HMCN2: variants seen among roughly 807,000 people sequenced by gnomAD.
HMCN2 encodes hemicentin-2.
A neutral mutation model predicts 377.5 loss-of-function variants in HMCN2; 325 were observed. The ratio of observed to expected loss-of-function variants is 0.86; its 90% CI spans 0.79 to 0.94. The LOEUF is 0.94. Among genes scored for constraint, HMCN2 ranks in the 40% least tolerant of loss-of-function variants. HMCN2 has a pLI of 0.00. For synonymous variants in HMCN2, 2,007 were observed against 2,046.8 expected (o/e 0.98, Z 0.53); for missense variants, 4,543 against 4,725.3 (o/e 0.96, Z 1.13).
intron 22 of HMCN2, among the ~76,000 whole-genome samples, chr9:130,334,801 TCTCTCTCTCTCTCTC>T (rs1216830147): frequency 1.4e-5 from 2 of 142,746 alleles, no homozygotes; most frequent in African/African-American, 2.6e-5. Context: ...CTCTCTCTCT[TCTCTCTCTCTCTCTC>T]CTCTCTCTCT....
intron 15 of HMCN2, among the ~76,000 whole-genome samples, chr9:130,317,311 T>A (rs1206269999): frequency 1.3e-5 from 2 of 152,146 alleles, no homozygotes; most frequent in African/African-American, 4.8e-5. Flanking sequence ...TATGAGTTCA[T>A]TGAGCCATGA....
chr9:130,341,602 C>T (rs1262319349), intron 24 of HMCN2, among the ~76,000 whole-genome samples: 1 of 152,186 alleles, frequency 6.6e-6, no homozygotes, highest in Non-Finnish European at 1.5e-5. Context: ...GAGCTCCCAG[C>T]AGGGATTCCC....
At position 130,423,009 on chromosome 9, in the gene HMCN2, G is replaced by A. The variant is rs560884318; in HGVS notation, c.13381+283G>A. Among the ~76,000 whole-genome samples the A allele has an allele frequency of 7.2e-5, 11 of 152,268 alleles. No homozygotes were observed. The South Asian group carries it at 8.3e-4, about 12-fold the overall frequency. Reference sequence around the variant, plus strand: ...AAACGGTCAGTGTTCTGGGGGTGCGGGCGCTCAGATTGTGGTTTCCCAAGC... The same window carrying A: ...AAACGGTCAGTGTTCTGGGGGTGCGAGCGCTCAGATTGTGGTTTCCCAAGC... On this transcript the variant is annotated intron_variant, in intron 87 of 97. Coordinates refer to ENST00000683500, the MANE Select transcript of HMCN2 (RefSeq NM_001291815.2). The surrounding 1 kb of genome is among the most constrained non-coding windows in gnomAD (Gnocchi z 5.5).
chr9:130,412,034 C>T (rs1240774859), intron 85 of HMCN2, among the ~76,000 whole-genome samples: 1 of 152,004 alleles, frequency 6.6e-6, no homozygotes. Flanking sequence ...TGCAGTGGTG[C>T]CATCTCTGCT....
At chr9:130,286,088 G>T (rs1835395732) in intron 3 of HMCN2, 100 bp from the exon 4 acceptor site, 1 of 427,958 alleles carries the variant, frequency 2.3e-6, no homozygotes, top group Non-Finnish European at 4.9e-6. Flanking sequence ...CAGAGGAGAG[G>T]GCCCACTCCA....
Position 130,433,540 on chromosome 9 carries a change from C to G in HMCN2, c.15087C>G (p.Phe5029Leu). ...TGGAGCCCGACCCCCGCAGCCCCTTCGCGCTGCGTCCGCTGCGCGCGGGCC... is the reference window on the plus strand; with the variant it reads ...TGGAGCCCGACCCCCGCAGCCCCTTGGCGCTGCGTCCGCTGCGCGCGGGCC... ...SMLEPDPRSP[F>L]ALRPLRAGLG... is the part of the protein sequence containing the mutation. The change falls in exon 98 of 98, where the codon TTC becomes TTG. Residue 5029 changes from phenylalanine (F) to leucine (L), a missense_variant. Phe to Leu is a conservative substitution (Grantham distance 22). Around this residue, in one of 5 missense-constraint regions of HMCN2, gnomAD observed 1,155 missense variants for 1,157.7 expected, o/e 1.00. Coordinates refer to ENST00000683500, the MANE Select transcript of HMCN2 (RefSeq NM_001291815.2). The G allele has an allele frequency of 6.8e-7, 1 of 1,471,064 alleles. No homozygotes were observed. Among genetic ancestry groups the G allele is most frequent in the Non-Finnish European group, 8.9e-7 (1 of 1,118,152 alleles). The allele number at this position is 1,471,064 out of a possible 1,614,324, so 91.1% of individuals were successfully genotyped here.
chr9:130,322,172 ACT>A (rs1837885374), intron 19 of HMCN2, among the ~76,000 whole-genome samples: 1 of 151,742 alleles, frequency 6.6e-6, no homozygotes, highest in Non-Finnish European at 1.5e-5. Context: ...ATACACACAC[ACT>A]CTCTATATGT....
chr9:130,366,850 G>T (rs897843199), intron 43 of HMCN2, among the ~76,000 whole-genome samples: 1 of 152,134 alleles, frequency 6.6e-6, no homozygotes, highest in African/African-American at 2.4e-5. Context: ...CACAATGGGG[G>T]CAGTCAGATA....
In HMCN2 at chr9:130,356,075, C is replaced by G. The variant is rs1840010563; in HGVS notation, c.5256-13C>G. The G allele has an allele frequency of 7.9e-7, 1 of 1,262,780 alleles. No homozygotes were observed. The highest frequency in any genetic ancestry group is 1.0e-6 in the Non-Finnish European group (1 of 971,466). The allele number at this position is 1,262,780 out of a possible 1,614,324, so 78.2% of individuals were successfully genotyped here. A position where few individuals can be genotyped will look rare whatever the true frequency, so the allele number is the denominator to read the frequency against. On this transcript the variant is annotated splice_polypyrimidine_tract_variant and intron_variant, in intron 33 of 97. Transcript: ENST00000683500. ...GTCTCAGGTTGACACGCCCCCCTCC[C>G]TACTCACCTTAGGTGGCTGCAGAAT...
intron 15 of HMCN2, among the ~76,000 whole-genome samples, chr9:130,314,141 T>A (rs1288396592): frequency 5.9e-5 from 9 of 152,294 alleles, no homozygotes; most frequent in African/African-American, 2.2e-4. Flanking sequence ...AGTCCCATCC[T>A]GGAAGCTCCT....
Position 130,299,112 on chromosome 9 carries a change from A to G in HMCN2, c.1100A>G (p.Lys367Arg), listed in dbSNP as rs1355993006. The change falls in exon 8 of 98, where the codon AAG becomes AGG. Residue 367 changes from lysine to arginine, a missense_variant. Around this residue, in one of 5 missense-constraint regions of HMCN2, gnomAD observed 547 missense variants for 189.9 expected, o/e 2.88. Coordinates refer to ENST00000683500, the MANE Select transcript of HMCN2 (RefSeq NM_001291815.2). ...DSVELAQSSG[K>R]PLLTLPTKPL... ...GTGGAGCTGGCACAAAGCTCAGGGAAGCCCCTCCTGACTCTGCCCACGAAG... is the reference window on the plus strand; with the variant it reads ...GTGGAGCTGGCACAAAGCTCAGGGAGGCCCCTCCTGACTCTGCCCACGAAG... 4.2e-6 allele frequency: 2 copies of G among 471,052 alleles called. No individual in the cohort carries two copies. Among genetic ancestry groups the G allele is most frequent in the Non-Finnish European group, 8.8e-6 (2 of 227,032 alleles). 29.2% of individuals were successfully genotyped at this position (471,052 alleles called of 1,614,324 possible). A position where few individuals can be genotyped will look rare whatever the true frequency, so the allele number is the denominator to read the frequency against.
At chr9:130,296,825 G>A (rs1554932360) in intron 7 of HMCN2, 31 bp downstream of exon 7, 2 of 469,176 alleles carry the variant, frequency 4.3e-6, no homozygotes, top group African/African-American at 2.0e-5. Flanking sequence ...AGACAGTGCT[G>A]AGCTGCCTCT....
At chr9:130,271,874 C>A (rs1021296116) in intron 1 of HMCN2, among the ~76,000 whole-genome samples, 2 of 149,234 alleles carry the variant, frequency 1.3e-5, no homozygotes, top group Non-Finnish European at 3.0e-5. Flanking sequence ...ATGTAATCAT[C>A]CGTGTCTATA....
At chr9:130,356,064 C>T (rs562403046) in intron 33 of HMCN2, 24 bp from the exon 34 acceptor site, 13 of 1,210,400 alleles carry the variant, frequency 1.1e-5, no homozygotes, top group African/African-American at 3.2e-5. Context: ...CAGGTTGACA[C>T]GCCCCCCTCC....
intron 22 of HMCN2, among the ~76,000 whole-genome samples, chr9:130,333,400 C>T (rs1210809299): frequency 6.6e-6 from 1 of 152,206 alleles, no homozygotes; most frequent in East Asian, 1.9e-4. Flanking sequence ...CTATCAGATG[C>T]CCTTTGGTCT....
At chr9:130,417,303 C>T (rs1186797764) in intron 85 of HMCN2, among the ~76,000 whole-genome samples, 1 of 151,882 alleles carries the variant, frequency 6.6e-6, no homozygotes, top group Non-Finnish European at 1.5e-5. Context: ...GAGTGGATCA[C>T]CAGAGGTCGG....
intron 14 of HMCN2, 121 bp from the exon 15 acceptor site, chr9:130,309,791 C>G (rs558604265): frequency 3.0e-6 from 1 of 335,202 alleles, no homozygotes; most frequent in Non-Finnish European, 6.1e-6. Context: ...TGCTTCCACC[C>G]ACCATCTCCC....
intron 86 of HMCN2, among the ~76,000 whole-genome samples, chr9:130,421,187 A>G (rs1235458664): frequency 1.3e-5 from 2 of 152,196 alleles, no homozygotes; most frequent in Non-Finnish European, 2.9e-5. Flanking sequence ...ACATCGGTCC[A>G]CAGCTTTTTG....
In HMCN2 at chr9:130,354,993, G is replaced by A; in HGVS notation, c.5095G>A (p.Ala1699Thr). 1 of 1,297,290 alleles carries A rather than the reference G, an allele frequency of 7.7e-7. No homozygotes were observed. The highest frequency in any genetic ancestry group is 1.0e-6 in the Non-Finnish European group (1 of 988,652). The allele number at this position is 1,297,290 out of a possible 1,614,324, so 80.4% of individuals were successfully genotyped here. Residue 1699 changes from alanine to threonine, a missense_variant, in exon 32 of 98, where the codon GCC becomes ACC. Physicochemically the swap from Ala to Thr is moderately conservative, Grantham distance 58. Coordinates refer to ENST00000683500, the MANE Select transcript of HMCN2 (RefSeq NM_001291815.2). ...EASSGLYSCV[A>T]SSPAGEAVLQ... ...ATCCAGTGGCCTGTACAGCTGTGTGGCCAGCAGTCCTGCCGGGGAAGCCGT... is the reference window on the plus strand; with the variant it reads ...ATCCAGTGGCCTGTACAGCTGTGTGACCAGCAGTCCTGCCGGGGAAGCCGT...
Sources: gnomAD v4.1 joint callset for allele counts (sites outside exome capture counted in the v4.1 genomes callset) on GRCh38, gnomAD v4.1.1 for gene constraint, gnomAD v4.1.1 regional missense constraint, Gnocchi (gnomAD v3.1) non-coding constraint, MANE v1.5 for transcripts, NCBI Gene and HGNC (gene_info 2026-07-23, HGNC 2026-07-21) for gene names.